Variants in PRELID2 observed in about 807,000 individuals in gnomAD.
PRELID2 encodes the protein PRELI domain containing 2, also known as PRELI domain-containing protein 2.
Under a neutral mutation model 28.4 loss-of-function variants are expected in PRELID2, and 25 were observed. The observed-to-expected ratio is 0.88, with a 90% confidence interval of 0.64 to 1.23. The LOEUF (loss-of-function observed/expected upper bound fraction) is 1.23, where lower values mean the gene tolerates loss of function less well. PRELID2 is among the 50% of genes most tolerant of loss of function. The pLI is 0.00. For missense variants in PRELID2, 201 were observed against 214.4 expected (o/e 0.94, Z 0.39); for synonymous variants, 76 against 71.6 (o/e 1.06, Z -0.31).
chr5:145,743,130 C>T (rs1017668851), intron 1 of PRELID2, among the ~76,000 whole-genome samples: 7 of 151,898 alleles, frequency 4.6e-5, no homozygotes, highest in East Asian at 1.9e-4. Flanking sequence ...AGAATCTGGC[C>T]GGGCGCGGTG....
chr5:145,740,640 T>TAA (rs1429750525), intron 1 of PRELID2, among the ~76,000 whole-genome samples: 2 of 102,144 alleles, frequency 2.0e-5, no homozygotes, highest in East Asian at 2.8e-4. Flanking sequence ...TATATATAAA[T>TAA]ATATATATTT....
At chr5:145,424,110 C>T in the PRELID2 span, among the ~76,000 whole-genome samples, 4 of 150,832 alleles carry the variant, frequency 2.7e-5, no homozygotes, top group African/African-American at 4.9e-5. Flanking sequence ...TCTCCAGCTG[C>T]GTGCTGGGAG....
At chr5:145,709,541 T>C (rs1399251449) in intron 1 of PRELID2, among the ~76,000 whole-genome samples, 1 of 151,084 alleles carries the variant, frequency 6.6e-6, no homozygotes, top group African/African-American at 2.4e-5. Flanking sequence ...AACATTCTGA[T>C]GGGAATAAGA....
chr5:145,807,761 CT>C (rs1309742707), intron 4 of PRELID2, among the ~76,000 whole-genome samples: 2 of 152,158 alleles, frequency 1.3e-5, no homozygotes, highest in Non-Finnish European at 2.9e-5. Context: ...TCTGCATCCC[CT>C]TTAGCAGATT....
chr5:145,613,739 A>G (rs188903946), intron 1 of PRELID2, among the ~76,000 whole-genome samples: 213 of 152,218 alleles, frequency 1.4e-3, no homozygotes, highest in Non-Finnish European at 2.4e-3. Context: ...TGTCAGATGT[A>G]TATATTATAA....
At chr5:145,411,275 A>G in the PRELID2 span, among the ~76,000 whole-genome samples, 11 of 152,142 alleles carry the variant, frequency 7.2e-5, no homozygotes, top group Admixed American at 7.2e-4. Context: ...TGCCTCATAA[A>G]GCCATCAGAT....
chr5:145,811,082 C>CAAAAAAAA (rs56978118), intron 4 of PRELID2, among the ~76,000 whole-genome samples: 1 of 26,750 alleles, frequency 3.7e-5, no homozygotes, highest in Non-Finnish European at 6.8e-5. Flanking sequence ...TGGCAGCAGG[C>CAAAAAAAA]AAAAAAAAAA....
intron 1 of PRELID2, among the ~76,000 whole-genome samples, chr5:145,531,790 A>G (rs977846923): frequency 2.0e-5 from 3 of 152,144 alleles, no homozygotes; most frequent in Non-Finnish European, 4.4e-5. Context: ...ACCTGCCCCA[A>G]CCTGCTAACC....
rs571932790 is a variant in PRELID2 at position 145,698,748 on chromosome 5, T to C, written n.70+66183A>G. On this transcript the variant is annotated intron_variant and non_coding_transcript_variant, in intron 1 of 2. Coordinates refer to the PRELID2 transcript ENST00000510259. ...TTGTTTGTTTGTTTGTTTGTTGAGA[T>C]GGAGTTTCACTCTTGTCACCCAGGC... is the stretch of plus-strand genomic sequence containing the variant. 2.6e-5 allele frequency among the ~76,000 whole-genome samples: 4 copies of C among 152,304 alleles called. No individual in the cohort carries two copies. In the East Asian group the frequency reaches 5.8e-4, roughly 22 times the overall value.
intron 1 of PRELID2, among the ~76,000 whole-genome samples, chr5:145,748,136 T>C (rs1042034696): frequency 6.6e-6 from 1 of 152,162 alleles, no homozygotes; most frequent in Admixed American, 6.5e-5. Context: ...CTATTCAACA[T>C]AGTATTGGAA....
At chr5:145,263,455 AT>A in the PRELID2 span, among the ~76,000 whole-genome samples, 30 of 151,124 alleles carry the variant, frequency 2.0e-4, no homozygotes, top group Non-Finnish European at 4.3e-4. Context: ...GTCTCAACAA[AT>A]TTAAGAAAAT....
intron 1 of PRELID2, among the ~76,000 whole-genome samples, chr5:145,506,643 C>T (rs1284366842): frequency 1.3e-5 from 2 of 152,156 alleles, no homozygotes; most frequent in African/African-American, 2.4e-5. Context: ...TCAAGCCCAA[C>T]ATTAATGGGG....
chr5:145,286,338 T>C, the PRELID2 span, among the ~76,000 whole-genome samples: 2 of 152,222 alleles, frequency 1.3e-5, no homozygotes, highest in Non-Finnish European at 2.9e-5. Flanking sequence ...GCCATATTCA[T>C]GGCAGTCGCT....
chr5:145,701,726 C>A (rs1755410986), intron 1 of PRELID2, among the ~76,000 whole-genome samples: 1 of 152,146 alleles, frequency 6.6e-6, no homozygotes, highest in African/African-American at 2.4e-5. Context: ...ACTTGGTAAG[C>A]AGTTTAATAA....
chr5:145,242,896 T>A, the PRELID2 span, among the ~76,000 whole-genome samples: 2 of 152,102 alleles, frequency 1.3e-5, no homozygotes, highest in East Asian at 3.9e-4. Context: ...AACCACCATA[T>A]GTGTTCTTGA....
intron 5 of PRELID2, among the ~76,000 whole-genome samples, chr5:145,776,867 C>T (rs1254835712): frequency 6.6e-6 from 1 of 152,218 alleles, no homozygotes; most frequent in Non-Finnish European, 1.5e-5. Context: ...TTATCTCCCA[C>T]ATGGATGATG....
chr5:145,236,101 G>A, the PRELID2 span, among the ~76,000 whole-genome samples: 2 of 152,194 alleles, frequency 1.3e-5, no homozygotes, highest in Admixed American at 6.5e-5. Context: ...ATCCTGAAAG[G>A]TGCTTAGTTA....
the PRELID2 span, among the ~76,000 whole-genome samples, chr5:145,299,716 A>G: frequency 6.6e-6 from 1 of 151,450 alleles, no homozygotes; most frequent in Non-Finnish European, 1.5e-5. Context: ...ATTTTGTGAT[A>G]TTAGCAGCTA....
chr5:145,531,544 C>G (rs1444682713), intron 1 of PRELID2, among the ~76,000 whole-genome samples: 1 of 152,190 alleles, frequency 6.6e-6, no homozygotes. Flanking sequence ...ATTCACCTCA[C>G]AGGACTCCTC....
Sources: allele counts gnomAD v4.1 joint callset (sites outside exome capture counted in the v4.1 genomes callset), GRCh38; gene constraint gnomAD v4.1.1; transcripts MANE v1.5; gene names NCBI Gene and HGNC (gene_info 2026-07-23, HGNC 2026-07-21).